CA13: variants seen among roughly 807,000 people sequenced by gnomAD.
The protein encoded by CA13 is CA-XIII.
A neutral mutation model predicts 31.5 loss-of-function variants in CA13; 21 were observed. That is an observed-to-expected ratio of 0.67 (90% CI 0.47 to 0.96). The LOEUF (loss-of-function observed/expected upper bound fraction) is 0.96, where lower values mean the gene tolerates loss of function less well. Among genes scored for constraint, CA13 ranks in the 40% least tolerant of loss-of-function variants. The probability of loss-of-function intolerance (pLI) is 0.00; values close to 1 mark genes in which losing one functional copy is unlikely to be tolerated. For missense variants in CA13, 315 were observed against 318.9 expected, an observed-to-expected ratio of 0.99 and a Z score of 0.09; for synonymous variants, 117 against 111.4, an observed-to-expected ratio of 1.05 and a Z score of -0.32.
chr8:85,246,855 C>T (rs923428155), intron 1 of CA13, among the ~76,000 whole-genome samples: 4 of 151,954 alleles, frequency 2.6e-5, no homozygotes, highest in African/African-American at 9.7e-5. Flanking sequence ...GAAGTAAATA[C>T]ATAATAAAGA....
intron 4 of CA13, 27 bp downstream of exon 4, chr8:85,266,730 A>G (rs78241481): frequency 0.017 from 26,125 of 1,551,836 alleles, 294 homozygotes; most frequent in Middle Eastern, 0.033. Context: ...TTCATTTTAA[A>G]TGATCAGCCT....
chr8:85,267,159 C>A, intron 4 of CA13: 1 of 705,502 alleles, frequency 1.4e-6, no homozygotes, highest in Non-Finnish European at 1.7e-6. Context: ...CAATTATTGT[C>A]ATCATACCTG....
At chr8:85,270,403 A>C (rs376901690) in intron 6 of CA13, among the ~76,000 whole-genome samples, 28 of 152,172 alleles carry the variant, frequency 1.8e-4, no homozygotes, top group African/African-American at 6.3e-4. Flanking sequence ...ATAATAACCT[A>C]GTGTATACTT....
chr8:85,256,068 A>G (rs868458986), intron 2 of CA13, among the ~76,000 whole-genome samples: 1 of 152,190 alleles, frequency 6.6e-6, no homozygotes. Flanking sequence ...ACGGAAAGAC[A>G]TGGAAAATAC....
chr8:85,272,964 C>T (rs1257508769), intron 6 of CA13, among the ~76,000 whole-genome samples: 1 of 152,072 alleles, frequency 6.6e-6, no homozygotes, highest in African/African-American at 2.4e-5. Flanking sequence ...ATTACAGGCA[C>T]TTGCCACCAC....
In CA13 at chr8:85,248,581, G is replaced by C. The variant is rs150220479; in HGVS notation, c.38-2159G>C. ...TCCAGACTAGCCTGCAGGGTCATGG[G>C]GGGGACAAGGAGAAGGAGGAGAGGA... is the stretch of plus-strand genomic sequence containing the variant. On this transcript the variant is annotated intron_variant, in intron 1 of 6. Transcript: ENST00000321764. Among the ~76,000 whole-genome samples the C allele has an allele frequency of 4.1e-3, 631 of 152,220 alleles. 3 individuals carry two copies. The highest frequency in any genetic ancestry group is 0.015 in the African/African-American group (604 of 41,518).
chr8:85,280,850 T>C (rs926290103), intron 6 of CA13, among the ~76,000 whole-genome samples: 1 of 152,200 alleles, frequency 6.6e-6, no homozygotes, highest in African/African-American at 2.4e-5. Context: ...AAATTAGGTT[T>C]CAAAACAGCA....
intron 2 of CA13, among the ~76,000 whole-genome samples, chr8:85,258,357 G>A (rs1807329567): frequency 6.7e-6 from 1 of 149,484 alleles, no homozygotes; most frequent in African/African-American, 2.4e-5. Flanking sequence ...CATATTTACT[G>A]AGGAAATTAC....
intron 3 of CA13, among the ~76,000 whole-genome samples, chr8:85,262,655 G>A (rs1351033733): frequency 6.6e-6 from 1 of 152,158 alleles, no homozygotes; most frequent in Non-Finnish European, 1.5e-5. Flanking sequence ...GGGAAGTGGT[G>A]ATATTTGCAT....
intron 5 of CA13, among the ~76,000 whole-genome samples, chr8:85,268,187 T>C (rs1401562127): frequency 2.0e-5 from 3 of 152,238 alleles, no homozygotes; most frequent in African/African-American, 7.2e-5. Flanking sequence ...TAGTCTCTGG[T>C]ATTATATTAC....
chr8:85,273,801 A>T (rs1179695501), intron 6 of CA13, among the ~76,000 whole-genome samples: 1 of 152,036 alleles, frequency 6.6e-6, no homozygotes, highest in Non-Finnish European at 1.5e-5. Context: ...TCGAACCCCA[A>T]GAGTGCGCCG....
chr8:85,245,734 C>A lies in CA13; in HGVS notation c.-95C>A. On this transcript the variant is annotated 5_prime_UTR_variant, in exon 1 of 7. Transcript: ENST00000321764. ...ACTCCTGCCGCCGGCGCCCCGCGGT[C>A]CCGCCCTAGCAGGCTCCTTCCCGGG... is the stretch of plus-strand genomic sequence containing the variant. 1.4e-6 allele frequency: 2 copies of A among 1,458,014 alleles called. No homozygotes were observed. Among genetic ancestry groups the A allele is most frequent in the South Asian group, 1.1e-5 (1 of 87,176 alleles). The allele number at this position is 1,458,014 out of a possible 1,614,324, so 90.3% of individuals were successfully genotyped here.
At chr8:85,276,552 C>T (rs1007958388) in intron 6 of CA13, among the ~76,000 whole-genome samples, 4 of 152,260 alleles carry the variant, frequency 2.6e-5, no homozygotes, top group Non-Finnish European at 5.9e-5. Context: ...CTATTCCAAT[C>T]GGCACTCTGT....
At chr8:85,267,173 A>G (rs1807470446) in intron 4 of CA13, 1 of 782,638 alleles carries the variant, frequency 1.3e-6, no homozygotes, top group African/African-American at 1.9e-5. Flanking sequence ...ATACCTGGGA[A>G]CAGGTTGGGC....
intron 6 of CA13, among the ~76,000 whole-genome samples, chr8:85,277,351 T>C (rs1400996191): frequency 6.6e-6 from 1 of 151,216 alleles, no homozygotes; most frequent in Non-Finnish European, 1.5e-5. Context: ...CCTTAAGAGC[T>C]GTAACACTCA....
chr8:85,255,787 T>C (rs1807284286), intron 2 of CA13, among the ~76,000 whole-genome samples: 1 of 152,228 alleles, frequency 6.6e-6, no homozygotes, highest in Non-Finnish European at 1.5e-5. Flanking sequence ...CTGGTCTTTC[T>C]GGACTCAAAC....
intron 3 of CA13, among the ~76,000 whole-genome samples, chr8:85,262,982 T>G (rs1807405161): frequency 6.6e-6 from 1 of 152,144 alleles, no homozygotes; most frequent in Non-Finnish European, 1.5e-5. Context: ...AGTTCTTTGA[T>G]GGGAACAATA....
chr8:85,269,058 A>C (rs979868326), intron 6 of CA13, among the ~76,000 whole-genome samples: 2 of 152,220 alleles, frequency 1.3e-5, no homozygotes, highest in Non-Finnish European at 1.5e-5. Context: ...TGCTTCTACA[A>C]ATTTCCAAGT....
intron 4 of CA13, chr8:85,267,276 C>T: frequency 1.0e-6 from 1 of 985,982 alleles, no homozygotes; most frequent in Non-Finnish European, 1.2e-6. Context: ...ACAGAGAATG[C>T]TTCACGGATG....
Sources: allele counts gnomAD v4.1 joint callset (sites outside exome capture counted in the v4.1 genomes callset), GRCh38; gene constraint gnomAD v4.1.1; transcripts MANE v1.5; gene names NCBI Gene and HGNC (gene_info 2026-07-23, HGNC 2026-07-21).